Variants in GAREM1 observed in about 807,000 individuals in gnomAD.
GAREM1 encodes GRB2 associated regulator of MAPK1 subtype 1.
In GAREM1, 26 loss-of-function variants were observed where a neutral mutation model predicts 71.3. The observed-to-expected ratio is 0.36, with a 90% confidence interval of 0.27 to 0.51. GAREM1 has a LOEUF of 0.51. GAREM1 is among the 20% of genes least tolerant of loss of function. The pLI is 0.95. For missense variants in GAREM1, 1,026 were observed against 1,103.1 expected, an observed-to-expected ratio of 0.93 and a Z score of 0.99; for synonymous variants, 440 against 433.2, an observed-to-expected ratio of 1.02 and a Z score of -0.20.
At chr18:32,404,634 T>A (rs1744647364) in intron 1 of GAREM1, among the ~76,000 whole-genome samples, 3 of 152,234 alleles carry the variant, frequency 2.0e-5, no homozygotes, top group Admixed American at 2.0e-4. Flanking sequence ...TGAAGCTGTA[T>A]CCCTGCAGAA....
At chr18:32,313,137 T>C (rs940358359) in intron 2 of GAREM1, among the ~76,000 whole-genome samples, 1 of 152,134 alleles carries the variant, frequency 6.6e-6, no homozygotes, top group African/African-American at 2.4e-5. Context: ...GAGATTCAGA[T>C]TCAGCCAGAG....
At chr18:32,293,450 A>C (rs1165024374) in intron 3 of GAREM1, among the ~76,000 whole-genome samples, 1 of 152,196 alleles carries the variant, frequency 6.6e-6, no homozygotes, top group Non-Finnish European at 1.5e-5. Flanking sequence ...GATGAATTAT[A>C]ATCTATTGAA....
At chr18:32,464,371 G>A (rs2048979814) in intron 1 of GAREM1, among the ~76,000 whole-genome samples, 1 of 152,128 alleles carries the variant, frequency 6.6e-6, no homozygotes. Flanking sequence ...AAAGTTCCTG[G>A]CCAGATGTGG....
intron 2 of GAREM1, among the ~76,000 whole-genome samples, chr18:32,388,504 T>C (rs1210847775): frequency 2.0e-5 from 3 of 151,896 alleles, no homozygotes; most frequent in Admixed American, 2.0e-4. Flanking sequence ...ACAAAGTAAA[T>C]GGTAATTATA....
At chr18:32,319,104 T>G (rs736218) in intron 2 of GAREM1, among the ~76,000 whole-genome samples, 1 of 152,064 alleles carries the variant, frequency 6.6e-6, no homozygotes, top group Non-Finnish European at 1.5e-5. Context: ...TGAACTTTTC[T>G]TCTCTTACCT....
At position 32,390,209 on chromosome 18, in the gene GAREM1, CCTT is replaced by C. The variant is rs528228595; in HGVS notation, c.262+2683_262+2685del. On this transcript the variant is annotated intron_variant, in intron 2 of 5. Coordinates refer to ENST00000269209, the MANE Select transcript of GAREM1 (RefSeq NM_001242409.2). ...AAAAAACACTTATAAAACCACACTG[CCTT>C]CTTATTTACCTGTTTATAAAATTTT... Among the ~76,000 whole-genome samples, 495 of 151,612 alleles carry C rather than the reference CCTT, an allele frequency of 3.3e-3. 2 individuals are homozygous for C. The highest frequency in any genetic ancestry group is 0.014 in the Middle Eastern group (4 of 294).
At position 32,470,607 on chromosome 18, in the gene GAREM1, G is replaced by T; in HGVS notation, c.-179C>A. On this transcript the variant is annotated 5_prime_UTR_variant, in exon 1 of 6. Coordinates refer to ENST00000269209, the MANE Select transcript of GAREM1 (RefSeq NM_001242409.2). The surrounding 1 kb of genome is among the most constrained non-coding windows in gnomAD (Gnocchi z 4.4). ...GGCGGCCCGGAGGGAGGGGGCCGGCGCCCGGCTCAGCTGCCGCTGCGGGGC... is the reference window on the plus strand; with the variant it reads ...GGCGGCCCGGAGGGAGGGGGCCGGCTCCCGGCTCAGCTGCCGCTGCGGGGC... 4.9e-6 allele frequency: 1 copy of T among 205,576 alleles called. No homozygotes were observed. Among genetic ancestry groups the T allele is most frequent in the Non-Finnish European group, 8.4e-6 (1 of 119,516 alleles). The allele number at this position is 205,576 out of a possible 1,614,324, so 12.7% of individuals were successfully genotyped here.
intron 2 of GAREM1, among the ~76,000 whole-genome samples, chr18:32,373,894 C>G (rs2048010020): frequency 6.6e-6 from 1 of 152,206 alleles, no homozygotes; most frequent in African/African-American, 2.4e-5. Context: ...AATGAACACA[C>G]TGGTATCCAC....
chr18:32,322,824 G>A (rs938580179), intron 2 of GAREM1, among the ~76,000 whole-genome samples: 4 of 152,228 alleles, frequency 2.6e-5, no homozygotes, highest in African/African-American at 7.2e-5. Flanking sequence ...TCTATTCACC[G>A]ATTCTCTACT....
At chr18:32,446,273 C>T (rs1176132390) in intron 1 of GAREM1, among the ~76,000 whole-genome samples, 4 of 150,658 alleles carry the variant, frequency 2.7e-5, no homozygotes, top group African/African-American at 9.9e-5. Context: ...GAATTGTTCA[C>T]CATTAACACA....
chr18:32,451,860 A>G (rs2048843717), intron 1 of GAREM1, among the ~76,000 whole-genome samples: 1 of 152,234 alleles, frequency 6.6e-6, no homozygotes, highest in African/African-American at 2.4e-5. Flanking sequence ...AGGAATGAGG[A>G]TGAGCCATTT....
At chr18:32,463,568 C>CTTTT (rs138799660) in intron 1 of GAREM1, among the ~76,000 whole-genome samples, 1 of 131,720 alleles carries the variant, frequency 7.6e-6, no homozygotes. Flanking sequence ...TTTTAAATCA[C>CTTTT]TTTTTTTTTT....
rs113649432 is a variant in GAREM1 at position 32,263,891 on chromosome 18, C to G, written c.*3980G>C. On this transcript the variant is annotated 3_prime_UTR_variant, in exon 6 of 6. Transcript: ENST00000269209. ...GAGCCCTACTACATGAGATTGTAAA[C>G]AAAGGAAATTTGCGATCTGATAAGC... 6.6e-6 allele frequency: 1 copy of G among 152,088 alleles called. No individual in the cohort carries two copies. Among genetic ancestry groups the G allele is most frequent in the Non-Finnish European group, 1.5e-5 (1 of 68,002 alleles). The allele number at this position is 152,088 out of a possible 1,614,324, so 9.4% of individuals were successfully genotyped here.
intron 1 of GAREM1, among the ~76,000 whole-genome samples, chr18:32,407,783 C>T (rs2048378359): frequency 6.6e-6 from 1 of 152,004 alleles, no homozygotes; most frequent in African/African-American, 2.4e-5. Flanking sequence ...GAGAAAAAAC[C>T]TGGGTCCCTG....
At chr18:32,464,457 C>A (rs2048980666) in intron 1 of GAREM1, among the ~76,000 whole-genome samples, 1 of 152,126 alleles carries the variant, frequency 6.6e-6, no homozygotes, top group African/African-American at 2.4e-5. Context: ...AGTCTGAGGG[C>A]AACCTCAGCA....
chr18:32,292,693 C>T (rs1001399777), intron 3 of GAREM1, among the ~76,000 whole-genome samples: 1 of 152,162 alleles, frequency 6.6e-6, no homozygotes, highest in African/African-American at 2.4e-5. Flanking sequence ...TGAAGAGGTG[C>T]CTTTCTCCAT....
intron 2 of GAREM1, among the ~76,000 whole-genome samples, chr18:32,360,568 G>A (rs966028916): frequency 2.0e-5 from 3 of 151,798 alleles, no homozygotes; most frequent in African/African-American, 7.3e-5. Flanking sequence ...TTTTTGGGGG[G>A]GTGGGGAGCA....
At chr18:32,365,156 C>CAG (rs1334009619) in intron 2 of GAREM1, among the ~76,000 whole-genome samples, 1 of 152,014 alleles carries the variant, frequency 6.6e-6, no homozygotes, top group Non-Finnish European at 1.5e-5. Flanking sequence ...GTCTTTACTC[C>CAG]TAGGCTTCAC....
chr18:32,424,971 C>A (rs983937226), intron 1 of GAREM1, among the ~76,000 whole-genome samples: 1 of 152,150 alleles, frequency 6.6e-6, no homozygotes, highest in Non-Finnish European at 1.5e-5. Flanking sequence ...AGAAAGATTA[C>A]AACAGTAAGG....
Sources: gnomAD v4.1 joint callset for allele counts (sites outside exome capture counted in the v4.1 genomes callset) on GRCh38, gnomAD v4.1.1 for gene constraint, Gnocchi (gnomAD v3.1) non-coding constraint, MANE v1.5 for transcripts, NCBI Gene and HGNC (gene_info 2026-07-23, HGNC 2026-07-21) for gene names.